Variants in AHRR observed in about 807,000 individuals in gnomAD.
AHRR encodes aryl hydrocarbon receptor repressor.
A neutral mutation model predicts 44.0 loss-of-function variants in AHRR; 28 were observed. The ratio of observed to expected loss-of-function variants is 0.64; its 90% confidence interval spans 0.47 to 0.87. AHRR has a LOEUF of 0.87. Ranked by LOEUF, AHRR falls within the 40% of genes least tolerant of loss-of-function variation. The pLI, the probability that AHRR is intolerant of heterozygous loss-of-function variation, is 0.00. For missense variants in AHRR, 990 were observed against 953.9 expected (o/e 1.04, Z -0.50); for synonymous variants, 434 against 407.0 (o/e 1.07, Z -0.80).
At chr5:433,012 A>G in intron 10 of AHRR, 65 bp downstream of exon 10, 2 of 1,493,018 alleles carry the variant, frequency 1.3e-6, no homozygotes, top group Non-Finnish European at 1.8e-6. Context: ...GAGGCCAAAG[A>G]GCGGGTGGGG....
chr5:419,203 T>C lies in AHRR; in HGVS notation c.442-3526T>C, dbSNP rs111713756. 41,802 of 151,282 alleles carry C rather than the reference T, an allele frequency of 0.28. 6,451 individuals are homozygous for C. The highest frequency in any genetic ancestry group is 0.35 in the Non-Finnish European group (23,913 of 67,854). The allele number at this position is 151,282 out of a possible 1,614,324, so 9.4% of individuals were successfully genotyped here. A position where few individuals can be genotyped will look rare whatever the true frequency, so the allele number is the denominator to read the frequency against. On this transcript the variant is annotated intron_variant, in intron 5 of 10. Coordinates refer to ENST00000684583, the MANE Select transcript of AHRR (RefSeq NM_001377236.1). The surrounding 1 kb of genome is among the most constrained non-coding windows in gnomAD (Gnocchi z 4.4). Reference sequence around the variant, plus strand: ...TTTTTTTGAGACAGTCTTGCTCTGTTGTCCAGGCTGGAGTGCAGTGGCACA... The same window carrying C: ...TTTTTTTGAGACAGTCTTGCTCTGTCGTCCAGGCTGGAGTGCAGTGGCACA...
rs1440909730 is a variant in AHRR, at chr5:342,466, C to T, written c.-10-1427C>T. Among the ~76,000 whole-genome samples the T allele has an allele frequency of 6.6e-6, 1 of 152,208 alleles. No individual in the cohort carries two copies. Among genetic ancestry groups the T allele is most frequent in the African/African-American group, 2.4e-5 (1 of 41,456 alleles). ...TCTGAAGTCTTCTTTGTCTGGGACT[C>T]ATACAGCTGCTTCATTTGATTAACG... On this transcript the variant is annotated intron_variant, in intron 1 of 10. Transcript: ENST00000684583. This position sits in a 1 kb window ranked among gnomAD's most constrained non-coding sequence, Gnocchi z 4.3.
At chr5:394,069 C>G (rs186027297) in intron 4 of AHRR, among the ~76,000 whole-genome samples, 1 of 152,214 alleles carries the variant, frequency 6.6e-6, no homozygotes, top group African/African-American at 2.4e-5. Context: ...TCCATTCTTG[C>G]TTTTATCTTC....
chr5:376,370 C>G (rs1158514272), intron 3 of AHRR, among the ~76,000 whole-genome samples: 1 of 152,142 alleles, frequency 6.6e-6, no homozygotes, highest in Non-Finnish European at 1.5e-5. Context: ...CCTCCATGTC[C>G]TGGTGTCCCC....
chr5:380,246 A>G (rs1214788098), intron 4 of AHRR, among the ~76,000 whole-genome samples: 1 of 152,234 alleles, frequency 6.6e-6, no homozygotes, highest in African/African-American at 2.4e-5. Flanking sequence ...TTAAAATAAG[A>G]CTTGATATCA....
At chr5:426,680 T>C (rs753478784) in intron 7 of AHRR, among the ~76,000 whole-genome samples, 5 of 147,018 alleles carry the variant, frequency 3.4e-5, no homozygotes, top group South Asian at 2.2e-4. Context: ...GGTGGACGGA[T>C]GGATGGATAG....
chr5:422,174 C>G (rs1000438144), intron 5 of AHRR, among the ~76,000 whole-genome samples: 1 of 152,194 alleles, frequency 6.6e-6, no homozygotes, highest in Non-Finnish European at 1.5e-5. Context: ...GTGTCAGCCT[C>G]TGTCGCCAGA....
chr5:340,690 T>TATATATATATATATATATATA (rs1560881649), intron 1 of AHRR, among the ~76,000 whole-genome samples: 3 of 15,640 alleles, frequency 1.9e-4, no homozygotes, highest in African/African-American at 9.5e-4. Context: ...ATATATATAT[T>TATATATATATATATATATATA]TTTTTTTTTT....
At chr5:359,665 T>TTGCA (rs1328306644) in intron 3 of AHRR, among the ~76,000 whole-genome samples, 1 of 152,146 alleles carries the variant, frequency 6.6e-6, no homozygotes, top group Non-Finnish European at 1.5e-5. Flanking sequence ...TCTTGTTCCT[T>TTGCA]TGCATCCACC....
intron 4 of AHRR, among the ~76,000 whole-genome samples, chr5:392,615 T>C (rs1042941207): frequency 2.0e-5 from 3 of 152,090 alleles, no homozygotes; most frequent in Non-Finnish European, 4.4e-5. Context: ...CAGAGGAAAA[T>C]GCCCAAACCG....
rs1010240554 is a variant in AHRR, at chr5:334,888, G to T, written c.-10-9005G>T. Among the ~76,000 whole-genome samples, 8 of 152,126 alleles carry T rather than the reference G, an allele frequency of 5.3e-5. No individual in the cohort carries two copies. The East Asian group carries it at 1.5e-3, about 29-fold the overall frequency. On this transcript the variant is annotated intron_variant, in intron 1 of 10. Coordinates refer to ENST00000684583, the MANE Select transcript of AHRR (RefSeq NM_001377236.1). ...TTACTGGAGATGTGACTGGGATGTT[G>T]GTTGGGTAGGGCCCTTTGGATTTAC...
intron 7 of AHRR, among the ~76,000 whole-genome samples, chr5:426,261 G>A (rs977320214): frequency 6.6e-6 from 1 of 152,168 alleles, no homozygotes; most frequent in South Asian, 2.1e-4. Context: ...TGGATGGATG[G>A]ATGGATGGAT....
At chr5:350,251 A>G (rs760592234) in intron 2 of AHRR, among the ~76,000 whole-genome samples, 1 of 152,196 alleles carries the variant, frequency 6.6e-6, no homozygotes, top group Non-Finnish European at 1.5e-5. Flanking sequence ...AGAACATGGT[A>G]TATCTTCCTG....
intron 4 of AHRR, among the ~76,000 whole-genome samples, chr5:379,095 C>T (rs182860924): frequency 1.4e-4 from 21 of 152,340 alleles, no homozygotes; most frequent in African/African-American, 5.1e-4. Context: ...TCCCTGCAGC[C>T]TGTCCCTTGC....
At chr5:366,859 A>C (rs1743377003) in intron 3 of AHRR, among the ~76,000 whole-genome samples, 1 of 150,768 alleles carries the variant, frequency 6.6e-6, no homozygotes, top group South Asian at 2.1e-4. Context: ...AAAATAACTC[A>C]CCTGTAATCT....
At chr5:407,901 AAG>A (rs1735331417) in intron 4 of AHRR, among the ~76,000 whole-genome samples, 1 of 152,216 alleles carries the variant, frequency 6.6e-6, no homozygotes, top group South Asian at 2.1e-4. Context: ...GTCGTCTGCA[AAG>A]AGAGAGTTTC....
chr5:415,322 GC>G (rs1735683461), intron 5 of AHRR, among the ~76,000 whole-genome samples: 1 of 146,594 alleles, frequency 6.8e-6, no homozygotes, highest in East Asian at 1.9e-4. Flanking sequence ...AGGCCTAGGG[GC>G]CGAATCTGCC....
rs1241668921 is a variant in AHRR, at chr5:343,886, C to T, written c.-10-7C>T. On this transcript the variant is annotated splice_region_variant and splice_polypyrimidine_tract_variant and intron_variant, in intron 1 of 10. Coordinates refer to ENST00000684583, the MANE Select transcript of AHRR (RefSeq NM_001377236.1). ...TTCCGGTGACCGGGTGCCCCCTTGT[C>T]TTCCAGGCCGAGGACGATGATCCCG... The T allele has an allele frequency of 1.3e-6, 2 of 1,597,366 alleles. No individual in the cohort carries two copies. The highest frequency in any genetic ancestry group is 1.7e-5 in the Admixed American group (1 of 59,298).
rs1306383014 is a variant in AHRR at position 345,412 on chromosome 5, CTG to C, written c.62+1461_62+1462del. On this transcript the variant is annotated intron_variant, in intron 2 of 10. Transcript: ENST00000684583. ...TGTGTGTGTCGGATGATGTCCCTGG[CTG>C]TGTGTGTGTGTGGGTGTGCGTGTGT... Among the ~76,000 whole-genome samples the C allele has an allele frequency of 4.8e-4, 38 of 79,788 alleles. 2 individuals are homozygous for C. Among genetic ancestry groups the C allele is most frequent in the Non-Finnish European group, 6.0e-4 (29 of 47,944 alleles). 52.3% of individuals were successfully genotyped at this position (79,788 alleles called of 152,430 possible). A position where few individuals can be genotyped will look rare whatever the true frequency, so the allele number is the denominator to read the frequency against.
Sources: allele counts gnomAD v4.1 joint callset (sites outside exome capture counted in the v4.1 genomes callset), GRCh38; gene constraint gnomAD v4.1.1; non-coding constraint Gnocchi (gnomAD v3.1); transcripts MANE v1.5; gene names NCBI Gene and HGNC (gene_info 2026-07-23, HGNC 2026-07-21).